SYAP1: variants seen among roughly 807,000 people sequenced by gnomAD.
SYAP1 encodes synapse associated protein 1.
SYAP1 carries 3 observed loss-of-function variants against 29.6 expected under a neutral mutation model. The ratio of observed to expected loss-of-function variants is 0.10; its 90% CI spans 0.05 to 0.26. SYAP1 has a LOEUF of 0.26. SYAP1 is among the 10% of genes least tolerant of loss of function. SYAP1 has a pLI of 1.00. For synonymous variants in SYAP1, 102 were observed against 102.7 expected (o/e 0.99, Z 0.04); for missense variants, 217 against 264.1 (o/e 0.82, Z 1.24).
At chrX:16,732,551 C>G (rs965741586) in intron 1 of SYAP1, among the ~76,000 whole-genome samples, 1 of 111,165 alleles carries the variant, frequency 9.0e-6, no homozygotes, top group African/African-American at 3.3e-5. Context: ...GGATTACAGG[C>G]GTGAGCCACC....
Position 16,743,678 on chromosome X carries a change from G to GT in SYAP1, c.436-16dup, listed in dbSNP as rs763062414. The GT allele has an allele frequency of 5.0e-6, 6 of 1,201,376 alleles. No homozygotes were observed. In the Admixed American group the frequency reaches 8.9e-5, roughly 18 times the overall value. Reference sequence around the variant, plus strand: ...AATCGCATTTTGTGGAATACCCTGTGTTTTTTTCTTTTTTTATCAAAGGAC... The same window carrying GT: ...AATCGCATTTTGTGGAATACCCTGTGTTTTTTTTCTTTTTTTATCAAAGGAC... On this transcript the variant is annotated intron_variant, in intron 4 of 8. Transcript: ENST00000380155.
At position 16,762,261 on chromosome X, in the gene SYAP1, C is replaced by T. The variant is rs1366021234; in HGVS notation, c.*1902C>T. 1 of 111,227 alleles carries T rather than the reference C, an allele frequency of 9.0e-6. No homozygotes were observed. Among genetic ancestry groups the T allele is most frequent in the East Asian group, 2.8e-4 (1 of 3,584 alleles). 9.2% of individuals were successfully genotyped at this position (111,227 alleles called of 1,213,427 possible). On this transcript the variant is annotated 3_prime_UTR_variant, in exon 9 of 9. Transcript: ENST00000380155. ...CGGTGCTTGGCTCTTAGTGAATGCA[C>T]TAAAATTCTTATTGATAAATGTTGA...
rs1319012457 is a variant in SYAP1, at chrX:16,764,444, C to T, written c.*4085C>T. On this transcript the variant is annotated 3_prime_UTR_variant, in exon 9 of 9. Coordinates refer to ENST00000380155, the MANE Select transcript of SYAP1 (RefSeq NM_032796.4). Reference sequence around the variant, plus strand: ...GGCCGCAACCTCGGCTCACTGCAACCTCCGCCTCCTGGGTTCAAGTGATTC... The same window carrying T: ...GGCCGCAACCTCGGCTCACTGCAACTTCCGCCTCCTGGGTTCAAGTGATTC... 9.6e-6 allele frequency: 1 copy of T among 104,588 alleles called. No individual in the cohort carries two copies. Among genetic ancestry groups the T allele is most frequent in the Non-Finnish European group, 2.0e-5 (1 of 50,845 alleles). 8.6% of individuals were successfully genotyped at this position (104,588 alleles called of 1,213,427 possible).
At chrX:16,757,092 C>G in intron 7 of SYAP1, 70 bp from the exon 8 acceptor site, 1 of 1,135,865 alleles carries the variant, frequency 8.8e-7, no homozygotes. Context: ...AATTGTGAGA[C>G]AATAGCAAAC....
At chrX:16,738,637 A>T (rs1164545337) in intron 3 of SYAP1, among the ~76,000 whole-genome samples, 3 of 111,411 alleles carry the variant, frequency 2.7e-5, no homozygotes, top group South Asian at 7.4e-4. Context: ...ATACCACTGC[A>T]CTCCAGCCTG....
At chrX:16,752,370 T>G (rs1926754083) in intron 5 of SYAP1, among the ~76,000 whole-genome samples, 1 of 99,071 alleles carries the variant, frequency 1.0e-5, no homozygotes, top group African/African-American at 4.0e-5. Context: ...AATGGATTAT[T>G]ATTATTATTA....
At chrX:16,744,602 G>A (rs1926553553) in intron 5 of SYAP1, among the ~76,000 whole-genome samples, 2 of 112,413 alleles carry the variant, frequency 1.8e-5, no homozygotes, top group Non-Finnish European at 3.8e-5. Context: ...GGAGGCTGAG[G>A]TGGGAGGATC....
At chrX:16,741,357 G>A (rs1926455214) in intron 3 of SYAP1, among the ~76,000 whole-genome samples, 1 of 110,309 alleles carries the variant, frequency 9.1e-6, no homozygotes, top group Non-Finnish European at 1.9e-5. Flanking sequence ...ACAACGTCTG[G>A]CTAACTTTTG....
intron 1 of SYAP1, among the ~76,000 whole-genome samples, chrX:16,721,859 C>T (rs1925970012): frequency 9.0e-6 from 1 of 111,583 alleles, no homozygotes; most frequent in African/African-American, 3.3e-5. Flanking sequence ...CTAATAACTG[C>T]ATTTTTCATA....
Position 16,760,260 on chromosome X carries a change from G to A in SYAP1, c.960G>A (p.Leu320=). The change falls in exon 9 of 9, where the codon CTG becomes CTA. Residue 320 remains leucine, a synonymous_variant. Coordinates refer to ENST00000380155, the MANE Select transcript of SYAP1 (RefSeq NM_032796.4). ...EEDSADWEKE[L]QQELQEYEVV... The stretch of plus-strand genomic sequence containing the variant: ...ATTCTGCAGATTGGGAAAAAGAACT[G>A]CAGCAGGAACTTCAAGAATATGAAG... The A allele has an allele frequency of 2.5e-6, 3 of 1,197,924 alleles. No homozygotes were observed. The highest frequency in any genetic ancestry group is 3.4e-6 in the Non-Finnish European group (3 of 890,120).
At chrX:16,731,889 A>G (rs4830560) in intron 1 of SYAP1, among the ~76,000 whole-genome samples, 46,289 of 108,877 alleles carry the variant, frequency 0.43, 8,762 homozygotes, top group African/African-American at 0.7. Context: ...GCAGTGAGCC[A>G]AGATTGTGCC....
At chrX:16,725,497 C>A (rs1028457459) in intron 1 of SYAP1, among the ~76,000 whole-genome samples, 7 of 111,773 alleles carry the variant, frequency 6.3e-5, no homozygotes, top group East Asian at 2.8e-4. Context: ...AAATAAAAAT[C>A]AAAATAAAAA....
At chrX:16,735,447 C>G in intron 2 of SYAP1, 102 bp downstream of exon 2, 2 of 522,408 alleles carry the variant, frequency 3.8e-6, no homozygotes, top group Non-Finnish European at 6.1e-6. Flanking sequence ...AGTAGAATAT[C>G]ATATTCTGAT....
At chrX:16,736,538 C>G (rs182654630) in intron 3 of SYAP1, 131 of 179,101 alleles carry the variant, frequency 7.3e-4, no homozygotes, top group African/African-American at 3.8e-3. Context: ...GAGTCTTGCT[C>G]TGTCACCCAG....
chrX:16,740,337 C>G (rs1297381973), intron 3 of SYAP1, among the ~76,000 whole-genome samples: 3 of 81,503 alleles, frequency 3.7e-5, no homozygotes, highest in African/African-American at 6.2e-5. Flanking sequence ...CCAACTTGTG[C>G]ATTTCTTTTT....
rs1355159291 is a variant in SYAP1 at position 16,719,646 on chromosome X, G to A, written c.-79G>A. 3 of 1,083,800 alleles carry A rather than the reference G, an allele frequency of 2.8e-6. No individual in the cohort carries two copies. The highest frequency in any genetic ancestry group is 3.0e-5 in the Admixed American group (1 of 32,892). 89.3% of individuals were successfully genotyped at this position (1,083,800 alleles called of 1,213,427 possible). ...ACTTCCGGACATCTCCCTGGGAGTC[G>A]CGCAGAGTGGAGTCAAAGGCAACCA... is the stretch of plus-strand genomic sequence containing the variant. On this transcript the variant is annotated 5_prime_UTR_variant, in exon 1 of 9. Transcript: ENST00000380155.
chrX:16,735,995 A>T (rs1926320845), intron 2 of SYAP1, among the ~76,000 whole-genome samples, 171 bp from the exon 3 acceptor site: 1 of 112,503 alleles, frequency 8.9e-6, no homozygotes, highest in South Asian at 3.6e-4. Context: ...TCATGCGACT[A>T]AGGTCCTAGC....
At chrX:16,728,945 A>G (rs148845034) in intron 1 of SYAP1, among the ~76,000 whole-genome samples, 6 of 107,721 alleles carry the variant, frequency 5.6e-5, no homozygotes, top group Non-Finnish European at 1.1e-4. Flanking sequence ...AGGCTGAGGC[A>G]GGAGAATTGC....
intron 1 of SYAP1, among the ~76,000 whole-genome samples, chrX:16,732,144 C>T (rs1021681071): frequency 2.7e-5 from 3 of 112,280 alleles, no homozygotes; most frequent in Non-Finnish European, 5.6e-5. Context: ...TTAAAGCTAG[C>T]TTATTTATTA....
Sources: allele counts gnomAD v4.1 joint callset (sites outside exome capture counted in the v4.1 genomes callset), GRCh38; gene constraint gnomAD v4.1.1; transcripts MANE v1.5; gene names NCBI Gene and HGNC (gene_info 2026-07-23, HGNC 2026-07-21).